The following DGUOK variants were observed in gnomAD, a reference collection of about 807,000 sequenced individuals.
DGUOK encodes the protein deoxyguanosine kinase, mitochondrial.
DGUOK carries 30 observed loss-of-function variants against 36.6 expected under a neutral mutation model. The observed-to-expected ratio is 0.82, with a 90% CI of 0.61 to 1.11. The LOEUF (loss-of-function observed/expected upper bound fraction) is 1.11, where lower values mean the gene tolerates loss of function less well. Ranked by LOEUF, DGUOK falls within the 50% of genes most tolerant of loss-of-function variation. DGUOK has a pLI of 0.00. For missense variants in DGUOK, 361 were observed against 336.4 expected (o/e 1.07, Z -0.57); for synonymous variants, 145 against 126.3 (o/e 1.15, Z -0.99).
chr2:73,954,951 T>A (rs1477052663), intron 4 of DGUOK, among the ~76,000 whole-genome samples: 2 of 152,216 alleles, frequency 1.3e-5, no homozygotes, highest in African/African-American at 2.4e-5. Context: ...GGGATTTTTT[T>A]AAATAGAATT....
intron 4 of DGUOK, among the ~76,000 whole-genome samples, chr2:73,952,919 T>A (rs947882432): frequency 6.6e-6 from 1 of 152,102 alleles, no homozygotes; most frequent in African/African-American, 2.4e-5. Context: ...GGCTCACAGT[T>A]ATGGAGACTG....
At chr2:73,946,067 A>AG (rs2104941166) in intron 2 of DGUOK, among the ~76,000 whole-genome samples, 1 of 130,718 alleles carries the variant, frequency 7.7e-6, no homozygotes, top group South Asian at 2.7e-4. Context: ...AAAAAAAAAA[A>AG]AAAAATCCGG....
chr2:73,940,841 A>G (rs1486623537), intron 2 of DGUOK, among the ~76,000 whole-genome samples: 1 of 152,188 alleles, frequency 6.6e-6, no homozygotes, highest in African/African-American at 2.4e-5. Context: ...AGGCTATCCC[A>G]TCTAGGTTTG....
intron 1 of DGUOK, among the ~76,000 whole-genome samples, chr2:73,930,782 C>CTTTTTTTTTTT: frequency 1.0e-5 from 1 of 95,476 alleles, no homozygotes; most frequent in Non-Finnish European, 2.2e-5. Context: ...ACATAATTTT[C>CTTTTTTTTTTT]TTTTTTTTTT....
At chr2:73,947,124 C>T (rs1015482451) in intron 3 of DGUOK, 15 of 581,366 alleles carry the variant, frequency 2.6e-5, no homozygotes, top group Non-Finnish European at 4.3e-5. Context: ...CAACTGAATG[C>T]TTTGAATTTC....
At chr2:73,949,262 A>T (rs1682547084) in intron 3 of DGUOK, among the ~76,000 whole-genome samples, 1 of 152,074 alleles carries the variant, frequency 6.6e-6, no homozygotes, top group Non-Finnish European at 1.5e-5. Context: ...ACTTTATAGG[A>T]TCTTAATTTC....
At position 73,950,672 on chromosome 2, in the gene DGUOK, G is replaced by T. The variant is rs2104963160; in HGVS notation, c.531G>T (p.Leu177=). The change falls in exon 4 of 7, where the codon CTG becomes CTT. Residue 177 remains leucine, a synonymous_variant. Coordinates refer to ENST00000264093, the MANE Select transcript of DGUOK (RefSeq NM_080916.3). The part of the protein sequence containing the change: ...HIYQDWHSFL[L]WEFASRITLH... ...ATCAGGACTGGCATTCTTTTCTCCT[G>T]TGGGAGTTTGCCAGCCGGATCACAT... is the stretch of plus-strand genomic sequence containing the variant. 1 of 1,614,114 alleles carries T rather than the reference G, an allele frequency of 6.2e-7. No individual in the cohort carries two copies. The highest frequency in any genetic ancestry group is 8.5e-7 in the Non-Finnish European group (1 of 1,180,014).
intron 1 of DGUOK, among the ~76,000 whole-genome samples, chr2:73,937,399 A>G (rs1042254147): frequency 2.0e-5 from 3 of 152,260 alleles, no homozygotes; most frequent in African/African-American, 7.2e-5. Context: ...GTCTGGCCAC[A>G]GTATGGAGCA....
intron 4 of DGUOK, among the ~76,000 whole-genome samples, chr2:73,951,536 T>G (rs1020733175): frequency 6.6e-6 from 1 of 151,978 alleles, no homozygotes; most frequent in Non-Finnish European, 1.5e-5. Context: ...ATATACCACA[T>G]ACTGTTAGAA....
In DGUOK at chr2:73,946,930, G is replaced by A. The variant is rs534254321; in HGVS notation, c.443+24G>A. 1.1e-4 allele frequency: 181 copies of A among 1,596,294 alleles called. No individual in the cohort carries two copies. The East Asian group carries it at 4.0e-3, about 35-fold the overall frequency. ...AGGTAAAATGCCAAGCCCTCCACCAGTCACAAGCCCCATGCTCAGTGCTGC... is the reference window on the plus strand; with the variant it reads ...AGGTAAAATGCCAAGCCCTCCACCAATCACAAGCCCCATGCTCAGTGCTGC... On this transcript the variant is annotated intron_variant, in intron 3 of 6. Coordinates refer to ENST00000264093, the MANE Select transcript of DGUOK (RefSeq NM_080916.3).
chr2:73,943,405 T>C (rs1294002672), intron 2 of DGUOK, among the ~76,000 whole-genome samples: 1 of 151,296 alleles, frequency 6.6e-6, no homozygotes, highest in Non-Finnish European at 1.5e-5. Flanking sequence ...CAAGCGACCC[T>C]TCCACCTCGG....
chr2:73,944,408 C>A (rs534742640), intron 2 of DGUOK, among the ~76,000 whole-genome samples: 14 of 152,304 alleles, frequency 9.2e-5, no homozygotes, highest in South Asian at 8.3e-4. Flanking sequence ...TCATTATCTT[C>A]ATTGGGTGTT....
chr2:73,951,379 C>T (rs928670160), intron 4 of DGUOK, among the ~76,000 whole-genome samples: 3 of 151,952 alleles, frequency 2.0e-5, no homozygotes, highest in African/African-American at 7.2e-5. Context: ...TGGAGAGATC[C>T]TTGCCTGTAA....
intron 1 of DGUOK, among the ~76,000 whole-genome samples, chr2:73,929,968 A>C (rs73950319): frequency 0.062 from 9,482 of 152,238 alleles, 470 homozygotes; most frequent in African/African-American, 0.13. Context: ...AAGTTGACAG[A>C]AGTGGTCTAG....
Position 73,958,225 on chromosome 2 carries a change from C to G in DGUOK, c.787C>G (p.Gln263Glu). ...TGATTTTTCTGAGGAAGTAACCAAA[C>G]AAGAAGACCTCATGAGAGAGGTGGG... ...NDDFSEEVTK[Q>E]EDLMREVNTF... Residue 263 changes from glutamine (Q) to glutamate (E), a missense_variant, in exon 6 of 7, where the codon CAA (glutamine) becomes GAA (glutamate). Transcript: ENST00000264093. 6.2e-7 allele frequency: 1 copy of G among 1,613,646 alleles called. No homozygotes were observed. The highest frequency in any genetic ancestry group is 8.5e-7 in the Non-Finnish European group (1 of 1,179,644).
chr2:73,934,454 G>A lies in DGUOK; in HGVS notation c.143-4456G>A, dbSNP rs531348424. ...TACCTTCCAAAATTCATAATACTGAGAGTATATTGAAAGACAGGCCGGGCG... is the reference window on the plus strand; with the variant it reads ...TACCTTCCAAAATTCATAATACTGAAAGTATATTGAAAGACAGGCCGGGCG... On this transcript the variant is annotated intron_variant, in intron 1 of 6. Coordinates refer to ENST00000264093, the MANE Select transcript of DGUOK (RefSeq NM_080916.3). Among the ~76,000 whole-genome samples, 8 of 152,228 alleles carry A rather than the reference G, an allele frequency of 5.3e-5. No homozygotes were observed. In the East Asian group the frequency reaches 1.2e-3, roughly 22 times the overall value.
In DGUOK at chr2:73,957,169, A is replaced by G. The variant is rs781487451; in HGVS notation, c.636A>G (p.Lys212=). 7 of 1,614,044 alleles carry G rather than the reference A, an allele frequency of 4.3e-6. No individual in the cohort carries two copies. Among genetic ancestry groups the G allele is most frequent in the Admixed American group, 3.3e-5 (2 of 59,996 alleles). The change falls in exon 5 of 7, where the codon AAA becomes AAG. Residue 212 remains lysine (K), a synonymous_variant. Coordinates refer to ENST00000264093, the MANE Select transcript of DGUOK (RefSeq NM_080916.3). ...ACCAGAGGGCCAGGGAGGAGGAGAA[A>G]GGAATTGAGCTGGCCTATCTAGAGC... ...RLYQRAREEE[K]GIELAYLEQL...
intron 1 of DGUOK, among the ~76,000 whole-genome samples, chr2:73,927,834 C>G (rs1680719839): frequency 6.6e-6 from 1 of 152,246 alleles, no homozygotes; most frequent in South Asian, 2.1e-4. Context: ...TACCAAGTCA[C>G]TGAGCCCCTA....
chr2:73,941,390 T>C (rs1008116101), intron 2 of DGUOK, among the ~76,000 whole-genome samples: 1 of 152,208 alleles, frequency 6.6e-6, no homozygotes, highest in Admixed American at 6.5e-5. Flanking sequence ...CTGGCATAAT[T>C]TGTTAGGCAG....
Sources: gnomAD v4.1 joint callset for allele counts (sites outside exome capture counted in the v4.1 genomes callset) on GRCh38, gnomAD v4.1.1 for gene constraint, MANE v1.5 for transcripts, NCBI Gene and HGNC (gene_info 2026-07-23, HGNC 2026-07-21) for gene names.